KLHDC10: variants seen among roughly 807,000 people sequenced by gnomAD.
The protein encoded by KLHDC10 is kelch domain containing 10, also known as kelch domain-containing protein 10.
KLHDC10 carries 24 observed loss-of-function variants against 56.1 expected under a neutral mutation model. The observed-to-expected ratio is 0.43, with a 90% CI of 0.31 to 0.60. The LOEUF (loss-of-function observed/expected upper bound fraction) is 0.60. KLHDC10 is among the 20% of genes least tolerant of loss of function. KLHDC10 has a pLI of 0.11. For missense variants in KLHDC10, 349 were observed against 567.0 expected (o/e 0.62, Z 3.91); for synonymous variants, 188 against 207.1 (o/e 0.91, Z 0.79).
intron 7 of KLHDC10, 61 bp from the exon 8 acceptor site, chr7:130,127,343 A>T (rs1459694737): frequency 6.8e-6 from 9 of 1,321,588 alleles, no homozygotes; most frequent in Non-Finnish European, 9.8e-6. Context: ...ACTGTGTTAT[A>T]TCAGTGTGGT....
chr7:130,123,296 G>A (rs1423215565), intron 5 of KLHDC10, among the ~76,000 whole-genome samples: 1 of 151,934 alleles, frequency 6.6e-6, no homozygotes, highest in African/African-American at 2.4e-5. Flanking sequence ...GTGAAACCCT[G>A]TCTCTGCTAA....
intron 1 of KLHDC10, 88 bp downstream of exon 1, chr7:130,070,897 G>T: frequency 1.0e-6 from 1 of 998,134 alleles, no homozygotes; most frequent in South Asian, 4.4e-5. Flanking sequence ...TTTTCCTTGG[G>T]AGGAGGAAAG....
chr7:130,115,001 G>T (rs1796148247), intron 2 of KLHDC10, among the ~76,000 whole-genome samples: 1 of 152,148 alleles, frequency 6.6e-6, no homozygotes, highest in South Asian at 2.1e-4. Context: ...CGACTAACAG[G>T]TTGGACGTGA....
intron 2 of KLHDC10, among the ~76,000 whole-genome samples, chr7:130,111,395 G>C (rs1339985642): frequency 6.6e-6 from 1 of 152,038 alleles, no homozygotes; most frequent in East Asian, 1.9e-4. Context: ...CAGGCTGGAA[G>C]AAATACATAT....
intron 5 of KLHDC10, 91 bp downstream of exon 5, chr7:130,122,293 C>A: frequency 8.0e-7 from 1 of 1,254,200 alleles, no homozygotes; most frequent in African/African-American, 1.5e-5. Context: ...ACCCTTTGGC[C>A]CCAGTTAGAA....
At position 130,128,915 on chromosome 7, in the gene KLHDC10, T is replaced by TAC. The variant is rs1563107698; in HGVS notation, c.980-521_980-520insCA. ...ATATATATATATATATATATATATA[T>TAC]ATATACATACTAGCCAAAACTTAAA... On this transcript the variant is annotated intron_variant, in intron 8 of 9. Transcript: ENST00000335420. Among the ~76,000 whole-genome samples, 5 of 130,328 alleles carry TAC rather than the reference T, an allele frequency of 3.8e-5. No homozygotes were observed. In the East Asian group the frequency reaches 6.1e-4, roughly 16 times the overall value. The allele number at this position is 130,328 out of a possible 152,430, so 85.5% of individuals were successfully genotyped here.
At chr7:130,099,731 A>C (rs927069044) in intron 2 of KLHDC10, among the ~76,000 whole-genome samples, 1 of 152,262 alleles carries the variant, frequency 6.6e-6, no homozygotes, top group Non-Finnish European at 1.5e-5. Flanking sequence ...GCACCACCCA[A>C]GTGGAGTTTT....
chr7:130,070,948 A>T (rs767299091), intron 1 of KLHDC10, 139 bp downstream of exon 1: 1 of 513,112 alleles, frequency 1.9e-6, no homozygotes, highest in Non-Finnish European at 3.0e-6. Context: ...GATCAGAGAA[A>T]AGGGAAGGTG....
intron 1 of KLHDC10, among the ~76,000 whole-genome samples, chr7:130,092,035 C>T (rs1014889213): frequency 1.1e-4 from 16 of 152,154 alleles, no homozygotes; most frequent in African/African-American, 3.9e-4. Flanking sequence ...ATTTATTCCC[C>T]ACTGAATAGT....
At chr7:130,077,510 C>G (rs912181872) in intron 1 of KLHDC10, among the ~76,000 whole-genome samples, 8 of 148,810 alleles carry the variant, frequency 5.4e-5, no homozygotes, top group African/African-American at 2.0e-4. Context: ...TTGTTTGTTG[C>G]TATTGTAAAT....
At chr7:130,095,935 C>T (rs1349686785) in intron 1 of KLHDC10, among the ~76,000 whole-genome samples, 3 of 152,142 alleles carry the variant, frequency 2.0e-5, no homozygotes, top group African/African-American at 7.2e-5. Context: ...GCTCCTGTTA[C>T]AGCAATTCCT....
intron 1 of KLHDC10, among the ~76,000 whole-genome samples, chr7:130,078,740 G>A (rs1795554012): frequency 6.6e-6 from 1 of 152,148 alleles, no homozygotes; most frequent in African/African-American, 2.4e-5. Flanking sequence ...GGATGGTCTC[G>A]ATCTCCTGAC....
At chr7:130,127,096 C>G (rs1796325105) in intron 7 of KLHDC10, among the ~76,000 whole-genome samples, 1 of 152,126 alleles carries the variant, frequency 6.6e-6, no homozygotes, top group Non-Finnish European at 1.5e-5. Context: ...ACAGTGAGAC[C>G]CTGTCTCTAA....
chr7:130,074,495 A>T (rs1282476396), intron 1 of KLHDC10, among the ~76,000 whole-genome samples: 2 of 152,170 alleles, frequency 1.3e-5, no homozygotes, highest in Non-Finnish European at 1.5e-5. Context: ...ATATATTTTT[A>T]AAATTCTAAA....
At chr7:130,118,582 A>G (rs1203222677) in intron 3 of KLHDC10, among the ~76,000 whole-genome samples, 1 of 152,194 alleles carries the variant, frequency 6.6e-6, no homozygotes, top group Admixed American at 6.5e-5. Flanking sequence ...CTTTGCATTC[A>G]CAATTCGGCT....
intron 1 of KLHDC10, among the ~76,000 whole-genome samples, chr7:130,077,353 CA>C (rs35132418): frequency 0.018 from 328 of 17,886 alleles, no homozygotes; most frequent in Non-Finnish European, 0.022. Flanking sequence ...GACTCTGTCT[CA>C]AAAAAAAAAA....
intron 5 of KLHDC10, among the ~76,000 whole-genome samples, chr7:130,123,298 C>T (rs1367350269): frequency 3.3e-5 from 5 of 152,004 alleles, no homozygotes; most frequent in Admixed American, 1.3e-4. Context: ...GAAACCCTGT[C>T]TCTGCTAAAA....
Position 130,078,429 on chromosome 7 carries a change from T to C in KLHDC10, c.166+7620T>C, listed in dbSNP as rs530584521. 1.5e-4 allele frequency among the ~76,000 whole-genome samples: 23 copies of C among 152,288 alleles called. No individual in the cohort carries two copies. In the South Asian group the frequency reaches 4.6e-3, roughly 30 times the overall value. ...AAATAGAGATGGAGTCTTGCTATGT[T>C]GCCCAGGCTGATCTCAAACTCCTGG... On this transcript the variant is annotated intron_variant, in intron 1 of 9. Coordinates refer to ENST00000335420, the MANE Select transcript of KLHDC10 (RefSeq NM_014997.4).
intron 1 of KLHDC10, among the ~76,000 whole-genome samples, chr7:130,090,767 C>CGT (rs57061414): frequency 0.26 from 38,000 of 148,038 alleles, 5,082 homozygotes; most frequent in African/African-American, 0.33. Flanking sequence ...TACACATACT[C>CGT]GTGTGTGTGT....
Sources: allele counts gnomAD v4.1 joint callset (sites outside exome capture counted in the v4.1 genomes callset), GRCh38; gene constraint gnomAD v4.1.1; transcripts MANE v1.5; gene names NCBI Gene and HGNC (gene_info 2026-07-23, HGNC 2026-07-21).